The following ZNF274 variants were observed in gnomAD, a reference collection of about 807,000 sequenced individuals.
ZNF274 encodes the protein neurotrophin receptor-interacting factor homolog.
In ZNF274, 23 loss-of-function variants were observed where a neutral mutation model predicts 42.5. That is an observed-to-expected ratio of 0.54 (90% CI 0.39 to 0.77). ZNF274 has a LOEUF of 0.77. ZNF274 is among the 30% of genes least tolerant of loss of function. The probability of loss-of-function intolerance (pLI) is 0.00; values close to 1 mark genes in which losing one functional copy is unlikely to be tolerated. For missense variants in ZNF274, 679 were observed against 806.5 expected (o/e 0.84, Z 1.91); for synonymous variants, 292 against 305.4 (o/e 0.96, Z 0.46).
chr19:58,184,051 G>A, intron 2 of ZNF274, 53 bp downstream of exon 2: 4 of 1,558,630 alleles, frequency 2.6e-6, no homozygotes, highest in Non-Finnish European at 3.5e-6. Context: ...CTGGGAGGAT[G>A]CGGATGGTGG....
At chr19:58,202,477 T>C (rs1249266328) in intron 4 of ZNF274, 2 of 152,248 alleles carry the variant, frequency 1.3e-5, no homozygotes, top group African/African-American at 4.8e-5. Flanking sequence ...TGAGCCTCAG[T>C]GAATTTGTTT....
chr19:58,210,202 C>T, intron 6 of ZNF274, 129 bp downstream of exon 6: 1 of 683,508 alleles, frequency 1.5e-6, no homozygotes, highest in Non-Finnish European at 2.5e-6. Flanking sequence ...AGATTCTGAG[C>T]TCTTAGGTCT....
Position 58,213,310 on chromosome 19 carries a change from T to C in ZNF274, c.*167T>C. 1.4e-6 allele frequency: 1 copy of C among 739,394 alleles called. No homozygotes were observed. Among genetic ancestry groups the C allele is most frequent in the South Asian group, 4.2e-5 (1 of 23,892 alleles). 45.8% of individuals were successfully genotyped at this position (739,394 alleles called of 1,614,324 possible). On this transcript the variant is annotated 3_prime_UTR_variant, in exon 8 of 8. Coordinates refer to ENST00000617501, the MANE Select transcript of ZNF274 (RefSeq NM_133502.3). ...GACTGCCCAGCACATAATGAATAAA[T>C]AAGAAAATGAGTGAGGAGTTATTAA... is the stretch of plus-strand genomic sequence containing the variant.
At chr19:58,190,649 C>T (rs893844909) in intron 4 of ZNF274, among the ~76,000 whole-genome samples, 1 of 152,280 alleles carries the variant, frequency 6.6e-6, no homozygotes, top group Non-Finnish European at 1.5e-5. Context: ...AGTTTTGTAA[C>T]GTGCTGCTGG....
At chr19:58,203,719 G>A (rs1003570807) in intron 4 of ZNF274, among the ~76,000 whole-genome samples, 2 of 152,144 alleles carry the variant, frequency 1.3e-5, no homozygotes, top group African/African-American at 4.8e-5. Context: ...ATACAGATCA[G>A]AGCACTTATA....
intron 4 of ZNF274, among the ~76,000 whole-genome samples, chr19:58,188,954 CTTT>C (rs1385079768): frequency 2.0e-5 from 3 of 150,236 alleles, no homozygotes; most frequent in Non-Finnish European, 3.0e-5. Context: ...TCTTTTTCTT[CTTT>C]ATCAACAGCA....
In ZNF274 at chr19:58,201,003, G is replaced by GT. The variant is rs1163866005; in HGVS notation, c.257-5714dup. ...AAGAAGGTGCCGCATACTGTTGTTT[G>GT]TTTGTTTTGTTTTTTTTTTTGGAGA... On this transcript the variant is annotated intron_variant, in intron 4 of 7. Coordinates refer to ENST00000617501, the MANE Select transcript of ZNF274 (RefSeq NM_133502.3). Among the ~76,000 whole-genome samples the GT allele has an allele frequency of 5.3e-3, 795 of 150,810 alleles. 7 individuals are homozygous for GT. Among genetic ancestry groups the GT allele is most frequent in the African/African-American group, 0.019 (770 of 41,040 alleles).
chr19:58,199,755 T>G (rs572926848), intron 4 of ZNF274, among the ~76,000 whole-genome samples: 1 of 152,342 alleles, frequency 6.6e-6, no homozygotes, highest in African/African-American at 2.4e-5. Context: ...GAATATCAAA[T>G]TTGACATGGA....
chr19:58,209,686 G>A (rs2076018279), intron 5 of ZNF274: 1 of 284,966 alleles, frequency 3.5e-6, no homozygotes, highest in Non-Finnish European at 6.6e-6. Context: ...CCCCCGGAAA[G>A]GGAAGGAGTG....
chr19:58,195,758 C>T (rs1365977573), intron 4 of ZNF274, among the ~76,000 whole-genome samples: 1 of 152,068 alleles, frequency 6.6e-6, no homozygotes. Flanking sequence ...CTGTTCCACC[C>T]CAGATCATGA....
chr19:58,201,204 G>T (rs1161540687), intron 4 of ZNF274, among the ~76,000 whole-genome samples: 1 of 145,504 alleles, frequency 6.9e-6, no homozygotes, highest in African/African-American at 2.5e-5. Flanking sequence ...TGGAGATGGG[G>T]TTTTGCCATG....
In ZNF274 at chr19:58,211,296, T is replaced by A; in HGVS notation, c.853-264T>A. 2.9e-6 allele frequency: 1 copy of A among 350,766 alleles called. No homozygotes were observed. The highest frequency in any genetic ancestry group is 5.1e-6 in the Non-Finnish European group (1 of 194,286). 21.7% of individuals were successfully genotyped at this position (350,766 alleles called of 1,614,324 possible). A position where few individuals can be genotyped will look rare whatever the true frequency, so the allele number is the denominator to read the frequency against. The stretch of plus-strand genomic sequence containing the variant: ...GCAATGGGCAAGCTGGATAGAGCCG[T>A]GGTTAGGATGGAGTTGTTTGCTTGT... On this transcript the variant is annotated intron_variant, in intron 6 of 7. Transcript: ENST00000617501. The surrounding 1 kb of genome is among the most constrained non-coding windows in gnomAD (Gnocchi z 4.8).
chr19:58,188,694 G>GTATATGTATATATATATATATATA (rs1221412961), intron 4 of ZNF274, among the ~76,000 whole-genome samples: 1 of 74,656 alleles, frequency 1.3e-5, no homozygotes, highest in African/African-American at 5.4e-5. Flanking sequence ...ATATGTATAT[G>GTATATGTATATATATATATATATA]TATATATATA....
intron 4 of ZNF274, among the ~76,000 whole-genome samples, chr19:58,203,429 C>CA (rs1174039756): frequency 6.6e-6 from 1 of 151,962 alleles, no homozygotes; most frequent in Non-Finnish European, 1.5e-5. Flanking sequence ...ACTAAAAATA[C>CA]AAAAATTAGC....
At chr19:58,204,238 C>T (rs1458261066) in intron 4 of ZNF274, among the ~76,000 whole-genome samples, 9 of 152,072 alleles carry the variant, frequency 5.9e-5, no homozygotes, top group Admixed American at 5.9e-4. Context: ...CAGGACGTGT[C>T]CCTGTCAGCG....
chr19:58,192,260 A>C (rs778573498), intron 4 of ZNF274, among the ~76,000 whole-genome samples: 1 of 152,114 alleles, frequency 6.6e-6, no homozygotes, highest in Non-Finnish European at 1.5e-5. Flanking sequence ...TTCACAGCTC[A>C]CTCTGGGTGG....
At chr19:58,184,076 C>G in intron 2 of ZNF274, 78 bp downstream of exon 2, 3 of 1,477,422 alleles carry the variant, frequency 2.0e-6, no homozygotes, top group South Asian at 1.2e-5. Flanking sequence ...ATACCACCTT[C>G]CCTGAGATAC....
At chr19:58,188,658 A>ATGTG (rs200982136) in intron 4 of ZNF274, among the ~76,000 whole-genome samples, 1,059 of 102,760 alleles carry the variant, frequency 0.01, 17 homozygotes, top group African/African-American at 0.031. Context: ...TAAAAAATAG[A>ATGTG]TGTGTGTGTG....
chr19:58,206,693 T>A (rs1396563427), intron 4 of ZNF274, 27 bp from the exon 5 acceptor site: 2 of 1,530,342 alleles, frequency 1.3e-6, no homozygotes, highest in Non-Finnish European at 8.8e-7. Flanking sequence ...TTGTTCTCAT[T>A]TGTCTTGCTC....
Sources: gnomAD v4.1 joint callset for allele counts (sites outside exome capture counted in the v4.1 genomes callset) on GRCh38, gnomAD v4.1.1 for gene constraint, Gnocchi (gnomAD v3.1) non-coding constraint, MANE v1.5 for transcripts, NCBI Gene and HGNC (gene_info 2026-07-23, HGNC 2026-07-21) for gene names.